The following FOXN1 variants were observed in gnomAD, a reference collection of about 807,000 sequenced individuals.
FOXN1 encodes the protein forkhead box N1, also known as forkhead box protein N1.
A neutral mutation model predicts 49.0 loss-of-function variants in FOXN1; 15 were observed. The observed-to-expected ratio is 0.31, with a 90% CI of 0.20 to 0.47. The LOEUF (loss-of-function observed/expected upper bound fraction) is 0.47. Among genes scored for constraint, FOXN1 ranks in the 20% least tolerant of loss-of-function variants. FOXN1 has a pLI of 1.00. For synonymous variants in FOXN1, 356 were observed against 369.0 expected (o/e 0.96, Z 0.40); for missense variants, 800 against 842.8 (o/e 0.95, Z 0.63).
At chr17:28,516,874 T>C (rs2069519138) in intron 1 of FOXN1, among the ~76,000 whole-genome samples, 1 of 45,438 alleles carries the variant, frequency 2.2e-5, no homozygotes, top group African/African-American at 6.3e-5. Context: ...CTCCACTGGG[T>C]ACACACCTCC....
chr17:28,533,963 T>C (rs1056573258), intron 6 of FOXN1, among the ~76,000 whole-genome samples: 5 of 152,136 alleles, frequency 3.3e-5, no homozygotes, highest in Admixed American at 3.3e-4. Flanking sequence ...AGCACAGGCA[T>C]GGAGACCCAG....
intron 3 of FOXN1, among the ~76,000 whole-genome samples, chr17:28,526,815 C>T (rs758308325): frequency 3.0e-4 from 46 of 152,218 alleles, no homozygotes; most frequent in Non-Finnish European, 5.1e-4. Context: ...CCATGCTCCC[C>T]TCACCATGGA....
In FOXN1 at chr17:28,534,073, G is replaced by C. The variant is rs921816950; in HGVS notation, c.928-258G>C. Among the ~76,000 whole-genome samples the C allele has an allele frequency of 6.6e-6, 1 of 152,202 alleles. No individual in the cohort carries two copies. The highest frequency in any genetic ancestry group is 2.4e-5 in the African/African-American group (1 of 41,438). ...TTCCGAATCACCTCGGCAGTCCTCT[G>C]AGGGGTCAGGAAGGGATGCGGGTGG... On this transcript the variant is annotated intron_variant, in intron 6 of 8. Coordinates refer to ENST00000579795, the MANE Select transcript of FOXN1 (RefSeq NM_001369369.1). The surrounding 1 kb of genome is among the most constrained non-coding windows in gnomAD (Gnocchi z 4.1).
At chr17:28,527,166 T>C (rs1461149557) in intron 3 of FOXN1, 85 bp from the exon 4 acceptor site, 2 of 847,056 alleles carry the variant, frequency 2.4e-6, no homozygotes, top group African/African-American at 3.4e-5. Context: ...AGAATAGGGG[T>C]TGCTTTTATG....
intron 1 of FOXN1, among the ~76,000 whole-genome samples, chr17:28,514,503 T>C (rs1394158195): frequency 6.6e-6 from 1 of 151,990 alleles, no homozygotes; most frequent in Admixed American, 6.6e-5. Context: ...AGACCCCGAG[T>C]TTCCTTGGGT....
Position 28,537,140 on chromosome 17 carries a change from G to T in FOXN1, c.1651G>T (p.Asp551Tyr), listed in dbSNP as rs757413677. 11 of 1,613,964 alleles carry T rather than the reference G, an allele frequency of 6.8e-6. No individual in the cohort carries two copies. The highest frequency in any genetic ancestry group is 1.7e-6 in the Non-Finnish European group (2 of 1,179,954). ...AGGAAACCTGTGGGAACAGTTGAAG[G>T]ATGATAGCTTGGCCCTCGACCCCCT... The part of the protein sequence containing the change: ...FQGNLWEQLK[D>Y]DSLALDPLVL... The change falls in exon 9 of 9, where the codon GAT (aspartate) becomes TAT (tyrosine). Residue 551 changes from aspartate (D) to tyrosine (Y), a missense_variant. By Grantham distance (160) the Asp-to-Tyr change is radical. Coordinates refer to ENST00000579795, the MANE Select transcript of FOXN1 (RefSeq NM_001369369.1).
chr17:28,526,026 C>A (rs558107597), intron 3 of FOXN1, among the ~76,000 whole-genome samples: 1 of 152,288 alleles, frequency 6.6e-6, no homozygotes, highest in African/African-American at 2.4e-5. Context: ...GAGTTCCCAC[C>A]ATACCCGTGT....
intron 1 of FOXN1, among the ~76,000 whole-genome samples, chr17:28,514,893 C>G (rs568332759): frequency 6.6e-6 from 1 of 152,230 alleles, no homozygotes; most frequent in East Asian, 1.9e-4. Context: ...CGCCCCCACC[C>G]ACCTTTCAGG....
rs576917959 is a variant in FOXN1, at chr17:28,537,952, T to C, written c.*516T>C. 1 of 156,522 alleles carries C rather than the reference T, an allele frequency of 6.4e-6. No homozygotes were observed. The highest frequency in any genetic ancestry group is 1.7e-4 in the South Asian group (1 of 5,820). 9.7% of individuals were successfully genotyped at this position (156,522 alleles called of 1,614,324 possible). On this transcript the variant is annotated 3_prime_UTR_variant, in exon 9 of 9. Transcript: ENST00000579795. ...CTCTGCAGTCCTGGCCCCCTCGTCATTTTCTTTCCCAGAAGCGCCCTGTAT... is the reference window on the plus strand; with the variant it reads ...CTCTGCAGTCCTGGCCCCCTCGTCACTTTCTTTCCCAGAAGCGCCCTGTAT...
At position 28,534,061 on chromosome 17, in the gene FOXN1, C is replaced by T. The variant is rs2069986689; in HGVS notation, c.928-270C>T. The stretch of plus-strand genomic sequence containing the variant: ...CCAGCCCTGGCTTTCCGAATCACCT[C>T]GGCAGTCCTCTGAGGGGTCAGGAAG... On this transcript the variant is annotated intron_variant, in intron 6 of 8. Transcript: ENST00000579795. The surrounding 1 kb of genome is among the most constrained non-coding windows in gnomAD (Gnocchi z 4.1). Among the ~76,000 whole-genome samples, 1 of 152,140 alleles carries T rather than the reference C, an allele frequency of 6.6e-6. No individual in the cohort carries two copies. Among genetic ancestry groups the T allele is most frequent in the Non-Finnish European group, 1.5e-5 (1 of 68,032 alleles).
intron 1 of FOXN1, among the ~76,000 whole-genome samples, chr17:28,520,608 T>A (rs771533600): frequency 4.6e-5 from 7 of 152,126 alleles, no homozygotes; most frequent in Non-Finnish European, 7.4e-5. Context: ...AGCAGGGTGG[T>A]TTGGCCAAGC....
chr17:28,518,089 TACCTCCACAGGGTACAC>T (rs1186460475), intron 1 of FOXN1, among the ~76,000 whole-genome samples: 5 of 109,098 alleles, frequency 4.6e-5, no homozygotes, highest in Admixed American at 1.8e-4. Context: ...ACAGGATCCA[TACCTCCACAGGGTACAC>T]ACCTCCACAG....
Position 28,524,764 on chromosome 17 carries a change from C to G in FOXN1, c.385C>G (p.Pro129Ala). The change falls in exon 3 of 9, where the codon CCT becomes GCT. Residue 129 changes from proline to alanine, a missense_variant. Physicochemically the swap from Pro to Ala is conservative, Grantham distance 27. This residue lies in a region of FOXN1 where 383 missense variants were observed against 357.9 expected (regional missense o/e 1.07). Coordinates refer to ENST00000579795, the MANE Select transcript of FOXN1 (RefSeq NM_001369369.1). ...CGCGCCCTTCCACCCGTACAAGCGG[C>G]CTTTCCATGAGGACGTCTTCCCAGA... is the stretch of plus-strand genomic sequence containing the variant. ...SHAPFHPYKRPFHEDVFPEAE... is the reference protein window; with the variant it reads ...SHAPFHPYKRAFHEDVFPEAE... 3 of 1,613,460 alleles carry G rather than the reference C, an allele frequency of 1.9e-6. No individual in the cohort carries two copies. The highest frequency in any genetic ancestry group is 2.5e-6 in the Non-Finnish European group (3 of 1,179,842).
At chr17:28,524,159 C>A in intron 2 of FOXN1, 67 bp downstream of exon 2, 1 of 1,502,372 alleles carries the variant, frequency 6.7e-7, no homozygotes, top group Non-Finnish European at 9.0e-7. Context: ...ACAAGAAGAC[C>A]AGTCACCTTA....
intron 1 of FOXN1, among the ~76,000 whole-genome samples, chr17:28,507,132 G>A (rs1215827086): frequency 1.3e-5 from 2 of 152,194 alleles, no homozygotes; most frequent in East Asian, 3.8e-4. Context: ...CTGGTGAGCA[G>A]AGCTGGGCCA....
chr17:28,524,591 C>T lies in FOXN1; in HGVS notation c.212C>T (p.Ala71Val), dbSNP rs373326758. The T allele has an allele frequency of 3.8e-5, 61 of 1,613,470 alleles. No individual in the cohort carries two copies. The highest frequency in any genetic ancestry group is 4.2e-5 in the Non-Finnish European group (50 of 1,179,960). The change falls in exon 3 of 9, where the codon GCG becomes GTG. Residue 71 changes from alanine to valine, a missense_variant. Ala to Val is a moderately conservative substitution (Grantham distance 64, BLOSUM62 0). Coordinates refer to ENST00000579795, the MANE Select transcript of FOXN1 (RefSeq NM_001369369.1). ...CTGCCCCCACACAGCCCCCGCATTG[C>T]GTCACCAGGGCCCGAGCAAGTCCAG... ...PSLPPHSPRI[A>V]SPGPEQVQGH...
chr17:28,515,680 C>T (rs2069479014), intron 1 of FOXN1, among the ~76,000 whole-genome samples: 1 of 151,770 alleles, frequency 6.6e-6, no homozygotes, highest in South Asian at 2.1e-4. Context: ...TATACAGTTC[C>T]ATTGGTGAAT....
At chr17:28,531,033 T>A (rs2069900981) in intron 6 of FOXN1, among the ~76,000 whole-genome samples, 188 bp downstream of exon 6, 1 of 152,100 alleles carries the variant, frequency 6.6e-6, no homozygotes. Context: ...GTGCTCCAAG[T>A]GGGGAACAGA....
intron 1 of FOXN1, among the ~76,000 whole-genome samples, chr17:28,516,286 CTCTACAGG>C (rs1206387088): frequency 3.3e-5 from 5 of 151,478 alleles, no homozygotes; most frequent in African/African-American, 1.2e-4. Context: ...GGGTACACAC[CTCTACAGG>C]GTACACACTG....
Sources: allele counts gnomAD v4.1 joint callset (sites outside exome capture counted in the v4.1 genomes callset), GRCh38; gene constraint gnomAD v4.1.1; regional missense constraint gnomAD v4.1.1; non-coding constraint Gnocchi (gnomAD v3.1); transcripts MANE v1.5; gene names NCBI Gene and HGNC (gene_info 2026-07-23, HGNC 2026-07-21).